SNX29: variants seen among roughly 807,000 people sequenced by gnomAD.
SNX29 encodes the protein sorting nexin 29, also known as sorting nexin-29.
SNX29 carries 78 observed loss-of-function variants against 102.1 expected under a neutral mutation model. The ratio of observed to expected loss-of-function variants is 0.76; its 90% CI spans 0.64 to 0.92. The LOEUF is 0.92. SNX29 is among the 40% of genes least tolerant of loss of function. SNX29 has a pLI of 0.00. For missense variants in SNX29, 1,280 were observed against 1,061.7 expected, an observed-to-expected ratio of 1.21 and a Z score of -2.86; for synonymous variants, 580 against 414.5, an observed-to-expected ratio of 1.40 and a Z score of -4.85.
chr16:12,506,903 C>T (rs1417337603), intron 19 of SNX29, among the ~76,000 whole-genome samples: 4 of 150,672 alleles, frequency 2.7e-5, no homozygotes, highest in Non-Finnish European at 5.9e-5. Context: ...CAGTGTGTAT[C>T]TGTTTTCCGA....
At chr16:12,056,831 G>C (rs887764313) in intron 8 of SNX29, among the ~76,000 whole-genome samples, 4 of 151,900 alleles carry the variant, frequency 2.6e-5, no homozygotes, top group Non-Finnish European at 5.9e-5. Context: ...TTGTTTCTTT[G>C]TTTGTTTTTT....
intron 13 of SNX29, among the ~76,000 whole-genome samples, chr16:12,167,454 T>G (rs929161788): frequency 3.9e-5 from 6 of 152,144 alleles, no homozygotes; most frequent in Non-Finnish European, 8.8e-5. Context: ...GTTGCCCTTC[T>G]TTTTGTCAGG....
chr16:12,391,363 C>T (rs1597207820), intron 16 of SNX29, among the ~76,000 whole-genome samples: 1 of 152,200 alleles, frequency 6.6e-6, no homozygotes, highest in South Asian at 2.1e-4. Flanking sequence ...TTTTCTCCTA[C>T]ATTTTTAAGC....
intron 13 of SNX29, among the ~76,000 whole-genome samples, chr16:12,175,049 G>A (rs925039479): frequency 1.3e-5 from 2 of 152,188 alleles, no homozygotes; most frequent in Non-Finnish European, 2.9e-5. Context: ...TGCTTAGGTG[G>A]CTTCTAAAGG....
At chr16:12,037,180 A>G (rs1437193497) in intron 4 of SNX29, among the ~76,000 whole-genome samples, 1 of 152,206 alleles carries the variant, frequency 6.6e-6, no homozygotes, top group Non-Finnish European at 1.5e-5. Flanking sequence ...TCTCTATCGC[A>G]GTGACTCAGC....
intron 19 of SNX29, among the ~76,000 whole-genome samples, chr16:12,492,216 G>A (rs1241390819): frequency 6.6e-6 from 1 of 152,092 alleles, no homozygotes; most frequent in Non-Finnish European, 1.5e-5. Context: ...TTTAATGATC[G>A]CCATTCTAAA....
intron 16 of SNX29, among the ~76,000 whole-genome samples, chr16:12,382,289 G>C (rs150979752): frequency 1.3e-5 from 2 of 152,130 alleles, no homozygotes; most frequent in Admixed American, 6.5e-5. Context: ...AGGTGCTTTT[G>C]TTAAGATAGC....
At chr16:12,324,189 A>G (rs1267962775) in intron 15 of SNX29, among the ~76,000 whole-genome samples, 1 of 151,714 alleles carries the variant, frequency 6.6e-6, no homozygotes, top group Non-Finnish European at 1.5e-5. Context: ...GGGGGGTCCC[A>G]TGAGTTTACA....
At chr16:12,470,930 G>T (rs909158362) in intron 18 of SNX29, among the ~76,000 whole-genome samples, 1 of 152,204 alleles carries the variant, frequency 6.6e-6, no homozygotes, top group Non-Finnish European at 1.5e-5. Flanking sequence ...ATTGGCATTG[G>T]CCTGCCTTAC....
intron 18 of SNX29, among the ~76,000 whole-genome samples, chr16:12,450,557 C>G (rs2086258262): frequency 6.6e-6 from 1 of 152,116 alleles, no homozygotes; most frequent in African/African-American, 2.4e-5. Context: ...TGGCTGAGGC[C>G]CGAATCATAG....
chr16:12,305,342 C>T (rs2080306141), intron 15 of SNX29, among the ~76,000 whole-genome samples: 1 of 152,224 alleles, frequency 6.6e-6, no homozygotes, highest in Admixed American at 6.5e-5. Context: ...AGGACTGGAG[C>T]AGGGCAAGGC....
chr16:12,155,097 C>T (rs557322145), intron 13 of SNX29, among the ~76,000 whole-genome samples: 42 of 152,212 alleles, frequency 2.8e-4, no homozygotes, highest in African/African-American at 1.0e-3. Flanking sequence ...CTGCTGGATG[C>T]CTTGTTCTGG....
intron 20 of SNX29, chr16:12,527,481 C>A (rs1448604470): frequency 4.7e-6 from 2 of 429,508 alleles, no homozygotes; most frequent in African/African-American, 2.0e-5. Context: ...CCAAAAAGTC[C>A]ATTTGAGTTA....
At chr16:12,566,197 C>A (rs545213659) in intron 20 of SNX29, among the ~76,000 whole-genome samples, 35 of 152,312 alleles carry the variant, frequency 2.3e-4, no homozygotes, top group African/African-American at 8.2e-4. Context: ...ATCCTTACCA[C>A]CACAGTACTA....
Position 12,574,207 on chromosome 16 carries a change from A to T in SNX29, c.*5578A>T, listed in dbSNP as rs2079245504. ...AATTTTCTTTTGGAATAAGCTGTGGAAATTTTGTTACAACCTGGTTGAGAT... is the reference window on the plus strand; with the variant it reads ...AATTTTCTTTTGGAATAAGCTGTGGTAATTTTGTTACAACCTGGTTGAGAT... On this transcript the variant is annotated 3_prime_UTR_variant, in exon 21 of 21. Transcript: ENST00000566228. The T allele has an allele frequency of 2.2e-5, 4 of 178,044 alleles. No homozygotes were observed. In the Admixed American group the frequency reaches 2.5e-4, roughly 11 times the overall value. 11.0% of individuals were successfully genotyped at this position (178,044 alleles called of 1,614,324 possible).
intron 19 of SNX29, among the ~76,000 whole-genome samples, chr16:12,520,005 AAAT>A (rs1320643911): frequency 2.4e-3 from 366 of 151,760 alleles, no homozygotes; most frequent in African/African-American, 7.8e-3. Flanking sequence ...ATAAAAATAA[AAAT>A]AATAATAATA....
chr16:12,431,094 C>A (rs1001649168), intron 18 of SNX29, among the ~76,000 whole-genome samples: 2 of 152,146 alleles, frequency 1.3e-5, no homozygotes, highest in African/African-American at 4.8e-5. Context: ...TCAGGTGATC[C>A]ACCCACCTCG....
chr16:12,420,951 A>T (rs2084849525), intron 18 of SNX29, among the ~76,000 whole-genome samples: 1 of 152,178 alleles, frequency 6.6e-6, no homozygotes, highest in Non-Finnish European at 1.5e-5. Flanking sequence ...GGGAACACAG[A>T]TGAGATAATG....
intron 9 of SNX29, among the ~76,000 whole-genome samples, chr16:12,062,377 AAAATAAATAAATAAAT>A (rs34207508): frequency 3.4e-4 from 47 of 137,702 alleles, no homozygotes; most frequent in South Asian, 9.7e-4. Flanking sequence ...ACTCTGTCTC[AAAATAAATAAATAAAT>A]AAATAAATAA....
Sources: gnomAD v4.1 joint callset for allele counts (sites outside exome capture counted in the v4.1 genomes callset) on GRCh38, gnomAD v4.1.1 for gene constraint, MANE v1.5 for transcripts, NCBI Gene and HGNC (gene_info 2026-07-23, HGNC 2026-07-21) for gene names.